AHCY: variants seen among roughly 807,000 people sequenced by gnomAD.
AHCY encodes the protein adenosylhomocysteinase.
AHCY carries 24 observed loss-of-function variants against 45.4 expected under a neutral mutation model. That is an observed-to-expected ratio of 0.53 (90% CI 0.38 to 0.74). The LOEUF is 0.74. Among genes scored for constraint, AHCY ranks in the 30% least tolerant of loss-of-function variants. The pLI is 0.00. For missense variants in AHCY, 449 were observed against 594.1 expected, an observed-to-expected ratio of 0.76 and a Z score of 2.54; for synonymous variants, 245 against 235.1, an observed-to-expected ratio of 1.04 and a Z score of -0.39.
chr20:34,303,368 C>A, upstream of AHCY: 2 of 1,506,816 alleles, frequency 1.3e-6, no homozygotes, highest in Non-Finnish European at 1.8e-6. Flanking sequence ...ATGCGCGTGG[C>A]GCCGACGCCT....
At chr20:34,259,358 C>G in the AHCY span, among the ~76,000 whole-genome samples, 1 of 151,718 alleles carries the variant, frequency 6.6e-6, no homozygotes, top group Non-Finnish European at 1.5e-5. Context: ...ACTAAAAATA[C>G]AAAAATTAGC....
chr20:34,302,087 G>C (rs11906980), intron 1 of AHCY: 1 of 678,682 alleles, frequency 1.5e-6, no homozygotes, highest in Non-Finnish European at 1.8e-6. Flanking sequence ...TGCAACCTCC[G>C]TCTCCCCGGC....
intron 2 of AHCY, among the ~76,000 whole-genome samples, chr20:34,294,542 A>C (rs940612734): frequency 2.0e-5 from 3 of 152,044 alleles, no homozygotes; most frequent in Non-Finnish European, 2.9e-5. Flanking sequence ...TGTTGGAGTA[A>C]AGGGAGTTGG....
At chr20:34,240,195 T>C in the AHCY span, among the ~76,000 whole-genome samples, 20 of 152,128 alleles carry the variant, frequency 1.3e-4, no homozygotes, top group Admixed American at 1.2e-3. Flanking sequence ...CAAACTCTGA[T>C]TGGTGAGTGA....
At chr20:34,261,048 T>C in the AHCY span, among the ~76,000 whole-genome samples, 1 of 152,214 alleles carries the variant, frequency 6.6e-6, no homozygotes, top group African/African-American at 2.4e-5. Flanking sequence ...TATTCATATT[T>C]CACAGTTGAG....
chr20:34,301,810 G>A, intron 1 of AHCY: 1 of 985,398 alleles, frequency 1.0e-6, no homozygotes, highest in Non-Finnish European at 1.2e-6. Context: ...TACTCTGGTA[G>A]CAACTTGATG....
At chr20:34,291,214 C>T (rs1307471562) in intron 5 of AHCY, among the ~76,000 whole-genome samples, 1 of 152,228 alleles carries the variant, frequency 6.6e-6, no homozygotes, top group Non-Finnish European at 1.5e-5. Flanking sequence ...AACTTGAAAG[C>T]TCTTCTTCCC....
At chr20:34,253,447 TTTTATTTA>T in the AHCY span, among the ~76,000 whole-genome samples, 120 of 103,810 alleles carry the variant, frequency 1.2e-3, no homozygotes, top group Admixed American at 2.3e-3. Context: ...TTTTATTTTA[TTTTATTTA>T]TTTATTTATT....
chr20:34,279,623 G>A (rs2035947052), downstream of AHCY, among the ~76,000 whole-genome samples: 1 of 151,996 alleles, frequency 6.6e-6, no homozygotes, highest in Non-Finnish European at 1.5e-5. Flanking sequence ...CGTAACTTAT[G>A]CAACTTAAAC....
At chr20:34,289,334 C>T (rs1405426102) in intron 8 of AHCY, among the ~76,000 whole-genome samples, 3 of 152,090 alleles carry the variant, frequency 2.0e-5, no homozygotes, top group African/African-American at 4.8e-5. Flanking sequence ...TCACCACACC[C>T]GGCTAACTTC....
intron 2 of AHCY, 136 bp from the exon 3 acceptor site, chr20:34,294,292 G>GGCT (rs769522040): frequency 1.8e-5 from 15 of 828,346 alleles, no homozygotes; most frequent in Non-Finnish European, 2.8e-5. Context: ...TAGGATCACA[G>GGCT]GCTGGGGATG....
chr20:34,242,190 A>AATTTTTATTTTATTTTATTTTATT, the AHCY span, among the ~76,000 whole-genome samples: 3 of 151,138 alleles, frequency 2.0e-5, no homozygotes, highest in Admixed American at 6.6e-5. Context: ...TCCTTTTTAA[A>AATTTTTATTTTATTTTATTTTATT]ATTTTTATTT....
At chr20:34,241,812 T>A in the AHCY span, among the ~76,000 whole-genome samples, 1 of 152,222 alleles carries the variant, frequency 6.6e-6, no homozygotes, top group Non-Finnish European at 1.5e-5. Context: ...ACTTTAATGC[T>A]TCTTTAAATG....
At chr20:34,304,072 A>G (rs1194908178), upstream of AHCY, among the ~76,000 whole-genome samples, 1 of 152,224 alleles carries the variant, frequency 6.6e-6, no homozygotes, top group East Asian at 1.9e-4. Flanking sequence ...CCTTACTCCA[A>G]GTAACCAACA....
chr20:34,269,569 G>A, the AHCY span, among the ~76,000 whole-genome samples: 5 of 151,898 alleles, frequency 3.3e-5, no homozygotes, highest in African/African-American at 1.2e-4. Flanking sequence ...ATTCAGACCA[G>A]CCAGGAAGAA....
chr20:34,286,849 A>C (rs905583751), intron 8 of AHCY, among the ~76,000 whole-genome samples: 2 of 151,344 alleles, frequency 1.3e-5, no homozygotes, highest in Non-Finnish European at 2.9e-5. Flanking sequence ...AAAAAAAAAA[A>C]AAAAAAAAAA....
the AHCY span, among the ~76,000 whole-genome samples, chr20:34,267,207 C>T: frequency 6.6e-6 from 1 of 152,020 alleles, no homozygotes; most frequent in East Asian, 1.9e-4. Context: ...AACAGGTGAA[C>T]AGCAAGTAAA....
At chr20:34,274,713 G>A in the AHCY span, among the ~76,000 whole-genome samples, 115 of 152,208 alleles carry the variant, frequency 7.6e-4, no homozygotes, top group African/African-American at 2.2e-3. Context: ...TTGGGAGGCC[G>A]AGGCAGGAGG....
downstream of AHCY, among the ~76,000 whole-genome samples, chr20:34,277,608 A>T (rs2035919212): frequency 6.6e-6 from 1 of 151,998 alleles, no homozygotes; most frequent in African/African-American, 2.4e-5. Flanking sequence ...ATAAAAAATT[A>T]GCCGGACACG....
Sources: gnomAD v4.1 joint callset for allele counts (sites outside exome capture counted in the v4.1 genomes callset) on GRCh38, gnomAD v4.1.1 for gene constraint, MANE v1.5 for transcripts, NCBI Gene and HGNC (gene_info 2026-07-23, HGNC 2026-07-21) for gene names.